The following SRPX variants were observed in gnomAD, a reference collection of about 807,000 sequenced individuals.
SRPX encodes sushi repeat-containing protein SRPX.
SRPX carries 24 observed loss-of-function variants against 38.1 expected under a neutral mutation model. The ratio of observed to expected loss-of-function variants is 0.63; its 90% CI spans 0.46 to 0.89. The LOEUF is 0.89. Ranked by LOEUF, SRPX falls within the 40% of genes least tolerant of loss-of-function variation. SRPX has a pLI of 0.00. For synonymous variants in SRPX, 184 were observed against 153.8 expected (o/e 1.20, Z -1.45); for missense variants, 416 against 377.8 (o/e 1.10, Z -0.84).
chrX:38,178,677 CA>C (rs1938611940), intron 1 of SRPX, among the ~76,000 whole-genome samples: 1 of 111,557 alleles, frequency 9.0e-6, no homozygotes, highest in African/African-American at 3.3e-5. Context: ...AGGGGAGATG[CA>C]ATAAAATGTG....
intron 1 of SRPX, among the ~76,000 whole-genome samples, chrX:38,196,870 C>CT (rs36115706): frequency 4.5e-5 from 5 of 111,645 alleles, no homozygotes; most frequent in South Asian, 3.8e-4. Flanking sequence ...AGACTCCTGC[C>CT]TTTTTTTTGG....
In SRPX at chrX:38,178,340, C is replaced by T. The variant is rs147824068; in HGVS notation, c.102G>A (p.Ser34=). 2.7e-5 allele frequency: 33 copies of T among 1,204,869 alleles called. No individual in the cohort carries two copies. Among genetic ancestry groups the T allele is most frequent in the South Asian group, 1.8e-5 (1 of 56,293 alleles). ...CATCGTCTTCTAGTGGTGAGTCTCC[C>T]GATCCTACAATAAAAAAGAACAGAA... ...RVPPSRSFPG[S]GDSPLEDDEV... The change falls in exon 2 of 10, where the codon TCG becomes TCA. Residue 34 remains serine, a synonymous_variant. Transcript: ENST00000378533.
chrX:38,207,194 T>G lies in SRPX; in HGVS notation c.97+13502A>C, dbSNP rs1472619336. Among the ~76,000 whole-genome samples the G allele has an allele frequency of 5.3e-5, 6 of 112,204 alleles. 1 individual carries two copies. In the South Asian group the frequency reaches 1.5e-3, roughly 28 times the overall value. On this transcript the variant is annotated intron_variant, in intron 1 of 9. Transcript: ENST00000378533. ...CAAAAATAAACTTAAAAGAAAAGCT[T>G]TATAAATGAAGGCATTACTCTGGTC...
intron 1 of SRPX, among the ~76,000 whole-genome samples, chrX:38,206,766 A>C (rs888422558): frequency 1.8e-5 from 2 of 112,032 alleles, no homozygotes; most frequent in Non-Finnish European, 3.8e-5. Context: ...TGTTGTGGGC[A>C]ATTGGGGCTC....
intron 1 of SRPX, among the ~76,000 whole-genome samples, chrX:38,191,956 G>A (rs928222320): frequency 9.0e-6 from 1 of 111,558 alleles, no homozygotes; most frequent in Admixed American, 9.5e-5. Context: ...TTTTTTACAG[G>A]GTTCCCCAAA....
At chrX:38,194,445 T>C (rs983026660) in intron 1 of SRPX, among the ~76,000 whole-genome samples, 1 of 112,224 alleles carries the variant, frequency 8.9e-6, no homozygotes, top group Non-Finnish European at 1.9e-5. Context: ...TAGATTGGTA[T>C]AACTTCCTTA....
chrX:38,174,262 T>G lies in SRPX; in HGVS notation c.247A>C (p.Thr83Pro). ...TTCTGGCAGCGAATGTCGCACCTGG[T>G]TCCCAGGGCTGTTTTGTAGTATCCT... ...QGGYYKTALG[T>P]RCDIRCQKGY... The change falls in exon 3 of 10, where the codon ACC (threonine) becomes CCC (proline). Residue 83 changes from threonine (T) to proline (P), a missense_variant. Coordinates refer to ENST00000378533, the MANE Select transcript of SRPX (RefSeq NM_006307.5). The G allele has an allele frequency of 8.6e-7, 1 of 1,164,493 alleles. No individual in the cohort carries two copies. Among genetic ancestry groups the G allele is most frequent in the Non-Finnish European group, 1.1e-6 (1 of 872,663 alleles).
At chrX:38,186,898 A>G (rs1459763753) in intron 1 of SRPX, among the ~76,000 whole-genome samples, 1 of 111,377 alleles carries the variant, frequency 9.0e-6, no homozygotes, top group Non-Finnish European at 1.9e-5. Context: ...CTGAGACTCT[A>G]TCCTTGCTTA....
intron 9 of SRPX, among the ~76,000 whole-genome samples, chrX:38,151,065 C>G (rs1395930837): frequency 8.9e-6 from 1 of 112,252 alleles, no homozygotes; most frequent in Non-Finnish European, 1.9e-5. Flanking sequence ...AAAATCATTA[C>G]ATAGAACACA....
rs1939509170 is a variant in SRPX at position 38,220,775 on chromosome X, A to C, written c.18T>G (p.His6Gln). The change falls in exon 1 of 10, where the codon CAT becomes CAG. Residue 6 changes from histidine to glutamine, a missense_variant. Transcript: ENST00000378533. MGSPAHRPALLLLLPP... is the reference protein window; with the variant it reads MGSPAQRPALLLLLPP... ...GCAGCAGCAGCAGCAGCGCGGGCCG[A>C]TGTGCGGGGCTCCCCATGGCGAGCG... The C allele has an allele frequency of 8.9e-7, 1 of 1,125,791 alleles. No individual in the cohort carries two copies. Among genetic ancestry groups the C allele is most frequent in the Non-Finnish European group, 1.2e-6 (1 of 859,716 alleles). 92.8% of individuals were successfully genotyped at this position (1,125,791 alleles called of 1,213,427 possible).
At chrX:38,220,253 G>C (rs1055159439) in intron 1 of SRPX, among the ~76,000 whole-genome samples, 19 of 113,775 alleles carry the variant, frequency 1.7e-4, no homozygotes, top group Non-Finnish European at 3.0e-4. Flanking sequence ...CGGCCCCAAG[G>C]GGGTAGCCTG....
intron 1 of SRPX, among the ~76,000 whole-genome samples, chrX:38,213,696 C>T (rs936267920): frequency 4.5e-5 from 5 of 111,846 alleles, no homozygotes; most frequent in South Asian, 3.8e-4. Flanking sequence ...AACTGGATCA[C>T]GGTTCTGCAG....
rs1463433697 is a variant in SRPX at position 38,186,164 on chromosome X, ACT to A, written c.98-7822_98-7821del. Among the ~76,000 whole-genome samples, 3 of 111,340 alleles carry A rather than the reference ACT, an allele frequency of 2.7e-5. No individual in the cohort carries two copies. In the East Asian group the frequency reaches 8.5e-4, roughly 31 times the overall value. ...GTGTCCATCTTGAATACTGTCTCAC[ACT>A]CTCTCTCTTGGATCACTCATTCCGG... On this transcript the variant is annotated intron_variant, in intron 1 of 9. Transcript: ENST00000378533.
At chrX:38,160,569 C>T (rs950651903) in intron 6 of SRPX, among the ~76,000 whole-genome samples, 5 of 111,651 alleles carry the variant, frequency 4.5e-5, no homozygotes, top group African/African-American at 1.6e-4. Flanking sequence ...CTCCTGGTGG[C>T]CCAAATTAGG....
intron 4 of SRPX, among the ~76,000 whole-genome samples, chrX:38,165,980 T>C (rs1179603424): frequency 8.9e-6 from 1 of 112,480 alleles, no homozygotes; most frequent in Non-Finnish European, 1.9e-5. Context: ...TTTCATCTTA[T>C]AGCTGAAGTG....
At chrX:38,210,534 G>A (rs1349169436) in intron 1 of SRPX, among the ~76,000 whole-genome samples, 1 of 111,999 alleles carries the variant, frequency 8.9e-6, no homozygotes, top group African/African-American at 3.3e-5. Context: ...ATCCTGGCAG[G>A]GCAGCACATC....
intron 1 of SRPX, among the ~76,000 whole-genome samples, chrX:38,196,596 T>C (rs1984723758): frequency 1.8e-5 from 2 of 112,280 alleles, no homozygotes; most frequent in South Asian, 7.4e-4. Flanking sequence ...CTGTAGAAGA[T>C]AACCAAGCTG....
intron 5 of SRPX, among the ~76,000 whole-genome samples, chrX:38,162,647 C>T (rs1185904598): frequency 8.9e-6 from 1 of 111,926 alleles, no homozygotes; most frequent in Admixed American, 9.4e-5. Context: ...AAACCCATCT[C>T]TACTAAAAAT....
At chrX:38,198,595 C>T (rs1380012960) in intron 1 of SRPX, among the ~76,000 whole-genome samples, 6 of 111,825 alleles carry the variant, frequency 5.4e-5, no homozygotes, top group African/African-American at 2.0e-4. Flanking sequence ...GCATGATTAC[C>T]GCTATGATTC....
Sources: allele counts gnomAD v4.1 joint callset (sites outside exome capture counted in the v4.1 genomes callset), GRCh38; gene constraint gnomAD v4.1.1; transcripts MANE v1.5; gene names NCBI Gene and HGNC (gene_info 2026-07-23, HGNC 2026-07-21).